Variants in STARD13 observed in about 807,000 individuals in gnomAD.
The protein encoded by STARD13 is stAR-related lipid transfer protein 13.
Under a neutral mutation model 106.4 loss-of-function variants are expected in STARD13, and 62 were observed. That is an observed-to-expected ratio of 0.58 (90% CI 0.48 to 0.72). The LOEUF (loss-of-function observed/expected upper bound fraction) is 0.72. STARD13 is among the 30% of genes least tolerant of loss of function. The probability of loss-of-function intolerance (pLI) is 0.00; values close to 1 mark genes in which losing one functional copy is unlikely to be tolerated. For missense variants in STARD13, 1,387 were observed against 1,424.0 expected, an observed-to-expected ratio of 0.97 and a Z score of 0.42; for synonymous variants, 565 against 553.0, an observed-to-expected ratio of 1.02 and a Z score of -0.31.
At chr13:33,499,525 CTTCT>C in the STARD13 span, among the ~76,000 whole-genome samples, 21 of 36,202 alleles carry the variant, frequency 5.8e-4, no homozygotes, top group Non-Finnish European at 1.0e-3. Context: ...TTTCTTTCTT[CTTCT>C]TCTTCTTCTT....
intron 1 of STARD13, among the ~76,000 whole-genome samples, chr13:33,231,396 G>C (rs758674824): frequency 6.6e-6 from 1 of 152,154 alleles, no homozygotes; most frequent in African/African-American, 2.4e-5. Context: ...CTTTAGACTG[G>C]GTATGAGCTC....
chr13:33,129,258 A>T lies in STARD13; in HGVS notation c.1419T>A (p.Asp473Glu). Residue 473 changes from aspartate to glutamate, a missense_variant, in exon 5 of 14, where the codon GAT becomes GAA. Coordinates refer to ENST00000336934, the MANE Select transcript of STARD13 (RefSeq NM_178006.4). The stretch of plus-strand genomic sequence containing the variant: ...GGTCATCTTTCTCCAAGTCCAAAAG[A>T]TCTCCTGTGCTGGCATACAGATGGG... The part of the protein sequence containing the change: ...PGSHLYASTG[D>E]LLDLEKDDLF... 6.2e-7 allele frequency: 1 copy of T among 1,614,124 alleles called. No homozygotes were observed. The highest frequency in any genetic ancestry group is 1.6e-4 in the Middle Eastern group (1 of 6,062).
At chr13:33,562,392 C>T in the STARD13 span, among the ~76,000 whole-genome samples, 1 of 146,668 alleles carries the variant, frequency 6.8e-6, no homozygotes, top group African/African-American at 2.5e-5. Context: ...CTTCCATTCC[C>T]CCATGTTCAA....
At chr13:33,134,293 C>CA (rs1319627368) in intron 4 of STARD13, among the ~76,000 whole-genome samples, 1 of 151,928 alleles carries the variant, frequency 6.6e-6, no homozygotes, top group African/African-American at 2.4e-5. Context: ...AAAAAATGGC[C>CA]AAAAAAACTC....
At chr13:33,672,414 T>C in the STARD13 span, among the ~76,000 whole-genome samples, 8 of 152,150 alleles carry the variant, frequency 5.3e-5, no homozygotes, top group African/African-American at 1.9e-4. Flanking sequence ...ACCTAATGCA[T>C]GCAGGGCTTA....
chr13:33,618,924 G>A, the STARD13 span, among the ~76,000 whole-genome samples: 2 of 151,996 alleles, frequency 1.3e-5, no homozygotes, highest in African/African-American at 4.8e-5. Context: ...GGGACCATAA[G>A]AATCTGTGTG....
Position 33,109,165 on chromosome 13 carries a change from G to C in STARD13, c.3047+708C>G, listed in dbSNP as rs532444129. Among the ~76,000 whole-genome samples, 4 of 152,272 alleles carry C rather than the reference G, an allele frequency of 2.6e-5. No homozygotes were observed. The East Asian group carries it at 7.7e-4, about 29-fold the overall frequency. On this transcript the variant is annotated intron_variant, in intron 12 of 13. Coordinates refer to ENST00000336934, the MANE Select transcript of STARD13 (RefSeq NM_178006.4). ...CTTGCCAAGATTTTCAATAAAAAAG[G>C]ATATATTGATCTAATTACCTTCTAT...
Position 33,103,808 on chromosome 13 carries a change from A to G in STARD13, c.*1785T>C, listed in dbSNP as rs1873371481. On this transcript the variant is annotated 3_prime_UTR_variant, in exon 14 of 14. Transcript: ENST00000336934. ...TTCACTGGTGATCTTGTTGATGCAT[A>G]TAAAGTAATCTGGCATATATGGTTA... 1.3e-5 allele frequency: 2 copies of G among 152,244 alleles called. No homozygotes were observed. The highest frequency in any genetic ancestry group is 4.8e-5 in the African/African-American group (2 of 41,460). 9.4% of individuals were successfully genotyped at this position (152,244 alleles called of 1,614,324 possible).
At chr13:33,314,813 C>T (rs1358919661) in intron 1 of STARD13, among the ~76,000 whole-genome samples, 3 of 152,150 alleles carry the variant, frequency 2.0e-5, no homozygotes, top group African/African-American at 7.2e-5. Flanking sequence ...GTGCTTTATT[C>T]CACCTATTTA....
downstream of STARD13, among the ~76,000 whole-genome samples, chr13:33,346,615 T>G (rs907382214): frequency 2.6e-5 from 4 of 151,968 alleles, no homozygotes; most frequent in African/African-American, 9.7e-5. Flanking sequence ...TTTGTTTGTT[T>G]ATTTATTTAT....
In STARD13 at chr13:33,112,905, C is replaced by A. The variant is rs1270587530; in HGVS notation, c.2308G>T (p.Ala770Ser). ...AGTAGCAGGATGGCAGCCTGCACGG[C>A]CTGCAGCCGCTGCTCTTTGGAGACA... The part of the protein sequence containing the change: ...QYVSKEQRLQ[A>S]VQAAILLLAD... Residue 770 changes from alanine (A) to serine (S), a missense_variant, in exon 9 of 14, where the codon GCC (alanine) becomes TCC (serine). Coordinates refer to ENST00000336934, the MANE Select transcript of STARD13 (RefSeq NM_178006.4). 3.7e-6 allele frequency: 6 copies of A among 1,611,676 alleles called. No homozygotes were observed. Among genetic ancestry groups the A allele is most frequent in the Non-Finnish European group, 5.1e-6 (6 of 1,179,018 alleles).
chr13:33,510,075 C>G, the STARD13 span, among the ~76,000 whole-genome samples: 3 of 152,202 alleles, frequency 2.0e-5, no homozygotes, highest in African/African-American at 7.2e-5. Flanking sequence ...GGTTGCCCTT[C>G]TCGCCTTTTC....
At chr13:33,287,133 T>C (rs1257147953), upstream of STARD13, among the ~76,000 whole-genome samples, 2 of 152,234 alleles carry the variant, frequency 1.3e-5, no homozygotes, top group Admixed American at 1.3e-4. Context: ...TGGGAATTTA[T>C]AGTCTAATAA....
At chr13:33,206,276 T>C (rs1045003885) in intron 1 of STARD13, among the ~76,000 whole-genome samples, 1 of 151,984 alleles carries the variant, frequency 6.6e-6, no homozygotes, top group African/African-American at 2.4e-5. Context: ...TAAGTTAGCC[T>C]AAAACTTCAC....
the STARD13 span, among the ~76,000 whole-genome samples, chr13:33,376,224 G>GTGA: frequency 6.6e-6 from 1 of 152,236 alleles, no homozygotes; most frequent in East Asian, 1.9e-4. Flanking sequence ...TAGAGATGAA[G>GTGA]TGATAGTCAT....
intron 1 of STARD13, among the ~76,000 whole-genome samples, chr13:33,315,843 T>C (rs922322534): frequency 6.6e-6 from 1 of 152,130 alleles, no homozygotes. Context: ...ACACAACATT[T>C]TTTTCATATG....
chr13:33,610,582 T>TG, the STARD13 span, among the ~76,000 whole-genome samples: 2 of 152,204 alleles, frequency 1.3e-5, no homozygotes, highest in Admixed American at 1.3e-4. Flanking sequence ...TCACCAGCAG[T>TG]GGGCCAGGCC....
chr13:33,122,071 C>A (rs1321190593), intron 7 of STARD13, among the ~76,000 whole-genome samples: 1 of 152,212 alleles, frequency 6.6e-6, no homozygotes, highest in Non-Finnish European at 1.5e-5. Flanking sequence ...GTCTAGAACT[C>A]TTGACCTCAG....
At position 33,165,437 on chromosome 13, in the gene STARD13, G is replaced by T. The variant is rs1441614476; in HGVS notation, c.242-19C>A. On this transcript the variant is annotated intron_variant, in intron 2 of 13. Transcript: ENST00000336934. ...TGTGAATCTGAGAGAGAAAGACAAA[G>T]AAGTTGATGTACTTTGTTTTATCTG... 1 of 1,588,062 alleles carries T rather than the reference G, an allele frequency of 6.3e-7. No individual in the cohort carries two copies. The highest frequency in any genetic ancestry group is 8.6e-7 in the Non-Finnish European group (1 of 1,156,476).
Sources: allele counts gnomAD v4.1 joint callset (sites outside exome capture counted in the v4.1 genomes callset), GRCh38; gene constraint gnomAD v4.1.1; transcripts MANE v1.5; gene names NCBI Gene and HGNC (gene_info 2026-07-23, HGNC 2026-07-21).